MYLK: variants seen among roughly 807,000 people sequenced by gnomAD.
MYLK encodes myosin light chain kinase, smooth muscle.
A neutral mutation model predicts 203.4 loss-of-function variants in MYLK; 106 were observed. The ratio of observed to expected loss-of-function variants is 0.52; its 90% CI spans 0.45 to 0.61. The LOEUF is 0.61. Among genes scored for constraint, MYLK ranks in the 20% least tolerant of loss-of-function variants. The pLI is 0.00. For missense variants in MYLK, 2,072 were observed against 2,442.3 expected, an observed-to-expected ratio of 0.85 and a Z score of 3.20; for synonymous variants, 867 against 959.5, an observed-to-expected ratio of 0.90 and a Z score of 1.78.
chr3:123,688,274 G>A (rs1456187782), intron 19 of MYLK, among the ~76,000 whole-genome samples: 1 of 152,072 alleles, frequency 6.6e-6, no homozygotes, highest in East Asian at 1.9e-4. Flanking sequence ...CTATGTGACA[G>A]GACCGCTTGA....
At chr3:123,723,793 C>G (rs910456400) in intron 12 of MYLK, among the ~76,000 whole-genome samples, 5 of 152,308 alleles carry the variant, frequency 3.3e-5, no homozygotes, top group East Asian at 1.9e-4. Flanking sequence ...GAGAAAACAC[C>G]GTCTTGAGTG....
At chr3:123,628,042 C>A (rs1330348301) in intron 30 of MYLK, among the ~76,000 whole-genome samples, 1 of 152,216 alleles carries the variant, frequency 6.6e-6, no homozygotes, top group Non-Finnish European at 1.5e-5. Context: ...TCTCCTGAGG[C>A]ACCTTGGGTG....
chr3:123,755,526 G>A (rs2063333455), intron 4 of MYLK, among the ~76,000 whole-genome samples: 1 of 152,176 alleles, frequency 6.6e-6, no homozygotes. Flanking sequence ...AGCAAAGGCA[G>A]GAATTTTTGT....
At chr3:123,707,189 G>A (rs2061493993) in intron 16 of MYLK, among the ~76,000 whole-genome samples, 1 of 152,188 alleles carries the variant, frequency 6.6e-6, no homozygotes, top group Non-Finnish European at 1.5e-5. Context: ...AGGAGCCGAG[G>A]CCTCCCACCT....
At chr3:123,693,818 G>C (rs1007803555) in intron 18 of MYLK, among the ~76,000 whole-genome samples, 5 of 152,214 alleles carry the variant, frequency 3.3e-5, no homozygotes, top group African/African-American at 1.2e-4. Flanking sequence ...CCTTATTCTT[G>C]CTTTCAGATG....
At chr3:123,765,800 A>T (rs1183530928) in intron 4 of MYLK, among the ~76,000 whole-genome samples, 1 of 152,242 alleles carries the variant, frequency 6.6e-6, no homozygotes, top group African/African-American at 2.4e-5. Flanking sequence ...TGAAGACATT[A>T]TGCTAAGTAA....
At chr3:123,670,739 C>A (rs2059889379) in intron 20 of MYLK, among the ~76,000 whole-genome samples, 1 of 151,976 alleles carries the variant, frequency 6.6e-6, no homozygotes, top group Non-Finnish European at 1.5e-5. Context: ...GAGACCTTAT[C>A]TCAGAAAAAA....
At position 123,735,563 on chromosome 3, in the gene MYLK, C is replaced by T. The variant is rs562126410; in HGVS notation, c.755-147G>A. 9.3e-5 allele frequency: 77 copies of T among 830,280 alleles called. No individual in the cohort carries two copies. In the African/African-American group the frequency reaches 1.1e-3, roughly 12 times the overall value. The allele number at this position is 830,280 out of a possible 1,614,324, so 51.4% of individuals were successfully genotyped here. ...GTGCTGAACGTCTTTGGCCTTTGAACTCCCCCCAGCCCTAGAGTACATTGT... is the reference window on the plus strand; with the variant it reads ...GTGCTGAACGTCTTTGGCCTTTGAATTCCCCCCAGCCCTAGAGTACATTGT... On this transcript the variant is annotated intron_variant, in intron 8 of 33. Transcript: ENST00000360304.
intron 1 of MYLK, among the ~76,000 whole-genome samples, chr3:123,878,388 G>A (rs949223025): frequency 3.3e-5 from 5 of 152,184 alleles, no homozygotes; most frequent in Non-Finnish European, 5.9e-5. Context: ...AGCCTCAGAT[G>A]ACATTCCATG....
At chr3:123,749,278 CAAA>C (rs571864269) in intron 5 of MYLK, among the ~76,000 whole-genome samples, 3 of 120,316 alleles carry the variant, frequency 2.5e-5, no homozygotes, top group Non-Finnish European at 1.8e-5. Context: ...GACCTAGCCT[CAAA>C]AAAAAAAAAA....
At chr3:123,830,179 C>T (rs919179344) in intron 3 of MYLK, among the ~76,000 whole-genome samples, 3 of 152,140 alleles carry the variant, frequency 2.0e-5, no homozygotes, top group African/African-American at 7.2e-5. Flanking sequence ...GATCTTCTAC[C>T]TACGGTGCTT....
chr3:123,763,663 A>G (rs996455735), intron 4 of MYLK, among the ~76,000 whole-genome samples: 6 of 151,780 alleles, frequency 4.0e-5, no homozygotes, highest in African/African-American at 1.5e-4. Context: ...TGCCACACGG[A>G]CTCCCTGATC....
intron 19 of MYLK, among the ~76,000 whole-genome samples, chr3:123,687,596 C>CTTCCTTCCTTCCTACCTTCA (rs966756857): frequency 3.3e-5 from 5 of 151,668 alleles, no homozygotes; most frequent in African/African-American, 1.2e-4. Flanking sequence ...TTCTTCCTTC[C>CTTCCTTCCTTCCTACCTTCA]TTCCTTCCTT....
intron 2 of MYLK, among the ~76,000 whole-genome samples, chr3:123,846,852 G>A (rs1577114317): frequency 4.0e-5 from 6 of 151,434 alleles, no homozygotes; most frequent in Admixed American, 4.0e-4. Flanking sequence ...TTGGTTAGGT[G>A]TACTCCTGGG....
chr3:123,751,045 C>G (rs960145836), intron 5 of MYLK, among the ~76,000 whole-genome samples: 13 of 152,172 alleles, frequency 8.5e-5, no homozygotes, highest in Non-Finnish European at 1.9e-4. Context: ...TGGAACCTTC[C>G]CTGACTACCT....
chr3:123,724,944 C>G (rs537087494), intron 12 of MYLK, among the ~76,000 whole-genome samples: 1 of 151,872 alleles, frequency 6.6e-6, no homozygotes, highest in South Asian at 2.1e-4. Flanking sequence ...GGGGTCTCAT[C>G]ATGTTGGCCA....
chr3:123,620,465 AG>A (rs1254517816), intron 31 of MYLK, 129 bp from the exon 32 acceptor site: 59 of 1,581,640 alleles, frequency 3.7e-5, no homozygotes, highest in Admixed American at 5.1e-5. Context: ...ACCTCCTGAG[AG>A]CCGAGGTTCT....
At chr3:123,725,863 C>T (rs2062260486) in intron 12 of MYLK, 81 bp downstream of exon 12, 2 of 1,563,298 alleles carry the variant, frequency 1.3e-6, no homozygotes, top group Non-Finnish European at 1.7e-6. Context: ...GCATAAATGG[C>T]TCAGAGGGAT....
In MYLK at chr3:123,612,355, TG is replaced by T. The variant is rs2057266997; in HGVS notation, c.*1749del. 1 of 152,636 alleles carries T rather than the reference TG, an allele frequency of 6.6e-6. No homozygotes were observed. The highest frequency in any genetic ancestry group is 1.5e-5 in the Non-Finnish European group (1 of 68,034). The allele number at this position is 152,636 out of a possible 1,614,324, so 9.5% of individuals were successfully genotyped here. A position where few individuals can be genotyped will look rare whatever the true frequency, so the allele number is the denominator to read the frequency against. ...TTAAAAATTGTGAGCTGACTACAGT[TG>T]TAGTGTTCTCATTTACCATTCTGAT... On this transcript the variant is annotated 3_prime_UTR_variant, in exon 34 of 34. Coordinates refer to ENST00000360304, the MANE Select transcript of MYLK (RefSeq NM_053025.4).
Sources: allele counts gnomAD v4.1 joint callset (sites outside exome capture counted in the v4.1 genomes callset), GRCh38; gene constraint gnomAD v4.1.1; transcripts MANE v1.5; gene names NCBI Gene and HGNC (gene_info 2026-07-23, HGNC 2026-07-21).